The following ADAMDEC1 variants were observed in gnomAD, a reference collection of about 807,000 sequenced individuals.
The protein encoded by ADAMDEC1 is ADAM like decysin 1, also known as ADAM DEC1.
In ADAMDEC1, 62 loss-of-function variants were observed where a neutral mutation model predicts 60.4. The ratio of observed to expected loss-of-function variants is 1.03; its 90% CI spans 0.84 to 1.27. The LOEUF is 1.27. ADAMDEC1 is among the 50% of genes most tolerant of loss of function. The pLI, the probability that ADAMDEC1 is intolerant of heterozygous loss-of-function variation, is 0.00. For missense variants in ADAMDEC1, 595 were observed against 565.0 expected (o/e 1.05, Z -0.54); for synonymous variants, 210 against 195.1 (o/e 1.08, Z -0.64).
chr8:24,401,262 T>C (rs1265912902), intron 11 of ADAMDEC1, among the ~76,000 whole-genome samples: 1 of 152,142 alleles, frequency 6.6e-6, no homozygotes, highest in African/African-American at 2.4e-5. Context: ...GCACGTATGA[T>C]GACCTTATAA....
chr8:24,391,002 C>T lies in ADAMDEC1; in HGVS notation c.89-1260C>T, dbSNP rs149266361. The stretch of plus-strand genomic sequence containing the variant: ...TATTAAAATTCATTCTCATTCCAAG[C>T]GCATGGCTTTTTCCACTAATGGACT... On this transcript the variant is annotated intron_variant, in intron 1 of 13. Coordinates refer to ENST00000256412, the MANE Select transcript of ADAMDEC1 (RefSeq NM_014479.3). Among the ~76,000 whole-genome samples, 213 of 152,196 alleles carry T rather than the reference C, an allele frequency of 1.4e-3. 1 individual carries two copies. Among genetic ancestry groups the T allele is most frequent in the African/African-American group, 4.8e-3 (200 of 41,508 alleles).
intron 2 of ADAMDEC1, 141 bp downstream of exon 2, chr8:24,392,521 A>G (rs1300771964): frequency 1.0e-5 from 6 of 571,692 alleles, no homozygotes; most frequent in Non-Finnish European, 1.8e-5. Context: ...CCCTTTGTTC[A>G]GGAGACAGCT....
chr8:24,395,421 C>G (rs1817580634), intron 4 of ADAMDEC1, among the ~76,000 whole-genome samples: 1 of 152,138 alleles, frequency 6.6e-6, no homozygotes, highest in Non-Finnish European at 1.5e-5. Context: ...ATGAGCCCAC[C>G]TAGGTTTAAC....
intron 13 of ADAMDEC1, among the ~76,000 whole-genome samples, chr8:24,404,725 T>C (rs1817847332): frequency 6.6e-6 from 1 of 152,172 alleles, no homozygotes; most frequent in African/African-American, 2.4e-5. Context: ...TACTCCTCTT[T>C]CCCAATTCTT....
chr8:24,394,351 T>G (rs903275662), intron 4 of ADAMDEC1, among the ~76,000 whole-genome samples: 2 of 152,164 alleles, frequency 1.3e-5, no homozygotes, highest in African/African-American at 4.8e-5. Flanking sequence ...ACATTCAGCT[T>G]TTAAAACATA....
chr8:24,393,204 T>A, intron 2 of ADAMDEC1, 58 bp from the exon 3 acceptor site: 1 of 1,076,996 alleles, frequency 9.3e-7, no homozygotes, highest in Non-Finnish European at 1.4e-6. Flanking sequence ...ACTACATATA[T>A]AATTATTTTA....
At chr8:24,388,338 G>A (rs574796878) in intron 1 of ADAMDEC1, among the ~76,000 whole-genome samples, 1 of 151,922 alleles carries the variant, frequency 6.6e-6, no homozygotes, top group African/African-American at 2.4e-5. Flanking sequence ...TCTCTAGTTA[G>A]TCTCATCCCA....
At chr8:24,394,421 C>T (rs539685858) in intron 4 of ADAMDEC1, among the ~76,000 whole-genome samples, 1 of 152,260 alleles carries the variant, frequency 6.6e-6, no homozygotes, top group Non-Finnish European at 1.5e-5. Flanking sequence ...TCCACTTCTC[C>T]CTAGACCATT....
Position 24,400,292 on chromosome 8 carries a change from G to C in ADAMDEC1, c.1134G>C (p.Gln378His). Residue 378 changes from glutamine (Q) to histidine (H), a missense_variant, in exon 11 of 14, where the codon CAG (glutamine) becomes CAC (histidine). Gln to His is a conservative substitution (Grantham distance 24). Coordinates refer to ENST00000256412, the MANE Select transcript of ADAMDEC1 (RefSeq NM_014479.3). ...CCTCTGGCAGTTGTGTGATGAATCAGTATCTGAGGTGAGACCTTGTCATCC... is the reference window on the plus strand; with the variant it reads ...CCTCTGGCAGTTGTGTGATGAATCACTATCTGAGGTGAGACCTTGTCATCC... ...KCPSGSCVMNQYLSSKFPKDF... is the reference protein window; with the variant it reads ...KCPSGSCVMNHYLSSKFPKDF... 1 of 1,600,014 alleles carries C rather than the reference G, an allele frequency of 6.2e-7. No individual in the cohort carries two copies. Among genetic ancestry groups the C allele is most frequent in the Non-Finnish European group, 8.5e-7 (1 of 1,175,312 alleles).
chr8:24,398,748 T>G, intron 8 of ADAMDEC1, 126 bp from the exon 9 acceptor site: 2 of 1,140,902 alleles, frequency 1.8e-6, no homozygotes, highest in Non-Finnish European at 2.5e-6. Flanking sequence ...TTTAAAATTT[T>G]TACTTTCAAA....
At position 24,385,944 on chromosome 8, in the gene ADAMDEC1, TAA is replaced by T. The variant is rs11313358; in HGVS notation, c.88+1362_88+1363del. 6.9e-3 allele frequency among the ~76,000 whole-genome samples: 1,039 copies of T among 151,438 alleles called. 9 individuals carry two copies. Among genetic ancestry groups the T allele is most frequent in the African/African-American group, 0.024 (984 of 41,316 alleles). ...GTAATGAAATAGAACTTGATTGAAATAAAAAAAAAAATCTACATATCTTTTTT... is the reference window on the plus strand; with the variant it reads ...GTAATGAAATAGAACTTGATTGAAATAAAAAAAAATCTACATATCTTTTTT... On this transcript the variant is annotated intron_variant, in intron 1 of 13. Coordinates refer to ENST00000256412, the MANE Select transcript of ADAMDEC1 (RefSeq NM_014479.3).
intron 3 of ADAMDEC1, 77 bp from the exon 4 acceptor site, chr8:24,393,992 A>AT: frequency 1.1e-6 from 1 of 931,118 alleles, no homozygotes; most frequent in East Asian, 2.4e-5. Context: ...CACTATCACT[A>AT]TTTTAGTGCT....
At chr8:24,401,815 A>G in intron 11 of ADAMDEC1, 100 bp from the exon 12 acceptor site, 1 of 1,058,192 alleles carries the variant, frequency 9.5e-7, no homozygotes, top group Non-Finnish European at 1.3e-6. Context: ...TAATACAGTT[A>G]GATAAATCAG....
At chr8:24,387,035 T>A (rs1817310121) in intron 1 of ADAMDEC1, 1 of 152,380 alleles carries the variant, frequency 6.6e-6, no homozygotes, top group South Asian at 2.1e-4. Context: ...ACCAGTCCCA[T>A]GGGGTCATAT....
chr8:24,397,695 C>A lies in ADAMDEC1; in HGVS notation c.640C>A (p.Leu214Ile). The A allele has an allele frequency of 6.2e-7, 1 of 1,613,114 alleles. No homozygotes were observed. Among genetic ancestry groups the A allele is most frequent in the South Asian group, 1.1e-5 (1 of 90,936 alleles). Residue 214 changes from leucine to isoleucine, a missense_variant, in exon 7 of 14, where the codon CTT (leucine) becomes ATT (isoleucine). Transcript: ENST00000256412. ...ATTCTTTGTAAAGAAAGAAGACTTT[C>A]TTCGGGCACAGAAATACATTGATCT... The part of the protein sequence containing the change: ...SLKSPEKEDF[L>I]RAQKYIDLYL...
At chr8:24,388,675 C>T (rs924827349) in intron 1 of ADAMDEC1, among the ~76,000 whole-genome samples, 4 of 152,086 alleles carry the variant, frequency 2.6e-5, no homozygotes, top group African/African-American at 7.2e-5. Context: ...TTTATCTAAT[C>T]TTTAGCTTTA....
At chr8:24,402,143 T>G (rs2129362549) in intron 12 of ADAMDEC1, 51 bp downstream of exon 12, 6 of 1,455,312 alleles carry the variant, frequency 4.1e-6, no homozygotes, top group Non-Finnish European at 5.6e-6. Context: ...GTTTTCTTTT[T>G]GTTTTCCAAT....
At chr8:24,398,654 CTTAAG>C in intron 8 of ADAMDEC1, 103 bp downstream of exon 8, 1 of 1,032,880 alleles carries the variant, frequency 9.7e-7, no homozygotes, top group Non-Finnish European at 1.4e-6. Context: ...TCCCAAATGT[CTTAAG>C]TTAAATAGTT....
At chr8:24,389,292 GT>G (rs1817376992) in intron 1 of ADAMDEC1, among the ~76,000 whole-genome samples, 1 of 152,146 alleles carries the variant, frequency 6.6e-6, no homozygotes, top group Non-Finnish European at 1.5e-5. Context: ...TGGCAATTCT[GT>G]TTGCTCAAGG....
Sources: gnomAD v4.1 joint callset for allele counts (sites outside exome capture counted in the v4.1 genomes callset) on GRCh38, gnomAD v4.1.1 for gene constraint, MANE v1.5 for transcripts, NCBI Gene and HGNC (gene_info 2026-07-23, HGNC 2026-07-21) for gene names.